CADM2: variants seen among roughly 807,000 people sequenced by gnomAD.
CADM2 encodes immunoglobulin superfamily member 4D.
CADM2 carries 12 observed loss-of-function variants against 49.8 expected under a neutral mutation model. The observed-to-expected ratio is 0.24, with a 90% CI of 0.15 to 0.39. CADM2 has a LOEUF of 0.39. CADM2 is among the 10% of genes least tolerant of loss of function. The pLI is 1.00. For missense variants in CADM2, 378 were observed against 492.3 expected (o/e 0.77, Z 2.20); for synonymous variants, 214 against 175.4 (o/e 1.22, Z -1.74).
At chr3:85,427,685 A>T (rs1303804798) in intron 1 of CADM2, among the ~76,000 whole-genome samples, 1 of 152,146 alleles carries the variant, frequency 6.6e-6, no homozygotes, top group Non-Finnish European at 1.5e-5. Context: ...AGTTTATGAA[A>T]GTCATAATAG....
chr3:85,426,241 A>C (rs1158128574), intron 1 of CADM2, among the ~76,000 whole-genome samples: 3 of 151,774 alleles, frequency 2.0e-5, no homozygotes, highest in African/African-American at 4.8e-5. Context: ...TCTTAGGCTC[A>C]AGCAATCTCC....
At chr3:85,651,177 A>G (rs2065032155) in intron 1 of CADM2, among the ~76,000 whole-genome samples, 1 of 152,112 alleles carries the variant, frequency 6.6e-6, no homozygotes, top group Non-Finnish European at 1.5e-5. Flanking sequence ...TATTTCAAAA[A>G]TTCAAATCAG....
intron 1 of CADM2, among the ~76,000 whole-genome samples, chr3:84,973,479 G>C (rs1446780512): frequency 6.6e-6 from 1 of 151,990 alleles, no homozygotes; most frequent in African/African-American, 2.4e-5. Context: ...GAACCTGACA[G>C]GTGAAAAAGA....
chr3:85,232,655 T>A (rs1158026810), intron 1 of CADM2, among the ~76,000 whole-genome samples: 1 of 151,866 alleles, frequency 6.6e-6, no homozygotes, highest in Non-Finnish European at 1.5e-5. Flanking sequence ...TGATGGCGAA[T>A]AAACATGTGA....
chr3:85,716,878 G>A (rs1405360920), intron 1 of CADM2, among the ~76,000 whole-genome samples: 3 of 152,060 alleles, frequency 2.0e-5, no homozygotes, highest in Admixed American at 6.6e-5. Context: ...TGCCAGAACC[G>A]TGCTGTTTTG....
intron 1 of CADM2, among the ~76,000 whole-genome samples, chr3:85,593,119 T>G (rs556942217): frequency 6.6e-6 from 1 of 152,094 alleles, no homozygotes; most frequent in South Asian, 2.1e-4. Context: ...TTCCATTTAT[T>G]TTGTACATTA....
chr3:85,954,520 A>G (rs1723808423), intron 7 of CADM2, among the ~76,000 whole-genome samples: 1 of 150,856 alleles, frequency 6.6e-6, no homozygotes, highest in Non-Finnish European at 1.5e-5. Context: ...TTACATTTTA[A>G]TTTTTTAAAA....
chr3:85,466,878 C>T (rs952794033), intron 1 of CADM2, among the ~76,000 whole-genome samples: 1 of 151,832 alleles, frequency 6.6e-6, no homozygotes, highest in Non-Finnish European at 1.5e-5. Context: ...AGAGAAATTG[C>T]TTTTACTTTT....
At chr3:84,971,160 G>A (rs1051307859) in intron 1 of CADM2, among the ~76,000 whole-genome samples, 1 of 151,988 alleles carries the variant, frequency 6.6e-6, no homozygotes, top group Non-Finnish European at 1.5e-5. Context: ...ACCTTTACCT[G>A]TTACTTTACA....
chr3:85,896,186 T>G (rs1203851013), intron 5 of CADM2, among the ~76,000 whole-genome samples: 1 of 152,108 alleles, frequency 6.6e-6, no homozygotes, highest in African/African-American at 2.4e-5. Context: ...CTTGGGAGGC[T>G]GAGGTTGGAA....
intron 6 of CADM2, among the ~76,000 whole-genome samples, chr3:85,919,254 A>G (rs1429862154): frequency 6.6e-6 from 1 of 152,040 alleles, no homozygotes; most frequent in African/African-American, 2.4e-5. Context: ...GGCTTTGCCT[A>G]TAAAAATGAG....
At chr3:85,102,928 AATG>A (rs1559662743) in intron 1 of CADM2, among the ~76,000 whole-genome samples, 1 of 152,176 alleles carries the variant, frequency 6.6e-6, no homozygotes, top group Non-Finnish European at 1.5e-5. Flanking sequence ...CTTGTGAGTC[AATG>A]ATAAGGTAAC....
intron 1 of CADM2, among the ~76,000 whole-genome samples, chr3:85,356,915 G>A (rs919058774): frequency 6.6e-6 from 1 of 151,974 alleles, no homozygotes; most frequent in Non-Finnish European, 1.5e-5. Context: ...AAGACAAATT[G>A]AATGAGATGA....
chr3:85,848,875 T>C (rs1428428146), intron 3 of CADM2, among the ~76,000 whole-genome samples: 1 of 151,338 alleles, frequency 6.6e-6, no homozygotes, highest in African/African-American at 2.4e-5. Flanking sequence ...TAGAAACAGA[T>C]TTTTTTTTAG....
chr3:85,228,162 T>C (rs1239549629), intron 1 of CADM2, among the ~76,000 whole-genome samples: 2 of 152,242 alleles, frequency 1.3e-5, no homozygotes, highest in African/African-American at 4.8e-5. Flanking sequence ...TCAACTTGAA[T>C]GTTGGCCTGC....
intron 8 of CADM2, among the ~76,000 whole-genome samples, chr3:86,061,562 A>G (rs551621941): frequency 1.8e-4 from 28 of 152,310 alleles, no homozygotes; most frequent in Middle Eastern, 3.4e-3. Context: ...TTAGATGACA[A>G]TAAAGATTTG....
chr3:85,667,393 A>T (rs13080469), intron 1 of CADM2, among the ~76,000 whole-genome samples: 58,350 of 151,876 alleles, frequency 0.38, 12,315 homozygotes, highest in East Asian at 0.54. Flanking sequence ...CAGTATTAAG[A>T]CTTAAAGTCC....
chr3:85,589,737 A>G (rs1015795250), intron 1 of CADM2, among the ~76,000 whole-genome samples: 1 of 152,064 alleles, frequency 6.6e-6, no homozygotes, highest in Admixed American at 6.6e-5. Context: ...AAATAGATAC[A>G]ATTATAATCA....
intron 1 of CADM2, among the ~76,000 whole-genome samples, chr3:84,986,532 G>A (rs2032560870): frequency 1.3e-5 from 2 of 151,742 alleles, no homozygotes; most frequent in African/African-American, 4.8e-5. Flanking sequence ...GACATTGGGA[G>A]AAGGATAAAA....
Sources: gnomAD v4.1 joint callset for allele counts (sites outside exome capture counted in the v4.1 genomes callset) on GRCh38, gnomAD v4.1.1 for gene constraint, MANE v1.5 for transcripts, NCBI Gene and HGNC (gene_info 2026-07-23, HGNC 2026-07-21) for gene names.